SERPINA4: variants seen among roughly 807,000 people sequenced by gnomAD.
SERPINA4 encodes the protein kallistatin.
A neutral mutation model predicts 25.4 loss-of-function variants in SERPINA4; 24 were observed. The ratio of observed to expected loss-of-function variants is 0.95; its 90% CI spans 0.69 to 1.33. SERPINA4 has a LOEUF of 1.33. SERPINA4 is among the 40% of genes most tolerant of loss of function. The pLI is 0.00. For synonymous variants in SERPINA4, 242 were observed against 223.6 expected, an observed-to-expected ratio of 1.08 and a Z score of -0.73; for missense variants, 553 against 535.8, an observed-to-expected ratio of 1.03 and a Z score of -0.32.
chr14:94,566,392 T>C (rs1902211454), intron 2 of SERPINA4, among the ~76,000 whole-genome samples: 1 of 152,216 alleles, frequency 6.6e-6, no homozygotes. Context: ...GATTCGTCCT[T>C]CTCAAATGTC....
At chr14:94,561,894 T>C in intron 1 of SERPINA4, 1 of 1,287,326 alleles carries the variant, frequency 7.8e-7, no homozygotes, top group Non-Finnish European at 1.0e-6. Context: ...TCCCTCCAAC[T>C]GCTGAGTGGA....
chr14:94,568,990 A>G (rs1299049683), intron 4 of SERPINA4, among the ~76,000 whole-genome samples: 1 of 152,224 alleles, frequency 6.6e-6, no homozygotes, highest in Non-Finnish European at 1.5e-5. Context: ...ACTTCTGATA[A>G]GAAAAGTGCA....
chr14:94,569,309 T>C (rs948944041), intron 4 of SERPINA4, 86 bp from the exon 5 acceptor site: 1 of 1,231,856 alleles, frequency 8.1e-7, no homozygotes, highest in Non-Finnish European at 1.2e-6. Flanking sequence ...TGCAATATTA[T>C]TCCCTAGCAA....
chr14:94,563,966 G>A lies in SERPINA4; in HGVS notation c.484G>A (p.Val162Ile), dbSNP rs373176783. 20 of 1,614,036 alleles carry A rather than the reference G, an allele frequency of 1.2e-5. No individual in the cohort carries two copies. The highest frequency in any genetic ancestry group is 4.5e-5 in the East Asian group (2 of 44,896). The change falls in exon 2 of 5, where the codon GTC becomes ATC. Residue 162 changes from valine (V) to isoleucine (I), a missense_variant. Transcript: ENST00000557004. ...AAAATTCCTGAATGACACCATGGCCGTCTATGAGGCTAAACTCTTCCACAC... is the reference window on the plus strand; with the variant it reads ...AAAATTCCTGAATGACACCATGGCCATCTATGAGGCTAAACTCTTCCACAC... ...LAKFLNDTMA[V>I]YEAKLFHTNF...
At position 94,563,473 on chromosome 14, in the gene SERPINA4, A is replaced by T. The variant is rs1437102598; in HGVS notation, c.-10A>T. 6.2e-7 allele frequency: 1 copy of T among 1,603,892 alleles called. No individual in the cohort carries two copies. Among genetic ancestry groups the T allele is most frequent in the Non-Finnish European group, 8.5e-7 (1 of 1,173,066 alleles). On this transcript the variant is annotated 5_prime_UTR_variant, in exon 2 of 5. Transcript: ENST00000557004. ...TTCTCTTCCCTCCCATAGGCCTGAG[A>T]GTGCAGAGGATGCATCTTATCGACT...
chr14:94,563,822 G>A lies in SERPINA4; in HGVS notation c.340G>A (p.Glu114Lys). 6.2e-7 allele frequency: 1 copy of A among 1,614,172 alleles called. No individual in the cohort carries two copies. The highest frequency in any genetic ancestry group is 8.5e-7 in the Non-Finnish European group (1 of 1,180,044). Reference protein sequence around the residue: ...GLGFNLTELSESDVHRGFQHL... With the variant: ...GLGFNLTELSKSDVHRGFQHL... ...GGGCTTCAACCTCACCGAGCTGTCTGAGTCCGATGTCCATAGGGGCTTCCA... is the reference window on the plus strand; with the variant it reads ...GGGCTTCAACCTCACCGAGCTGTCTAAGTCCGATGTCCATAGGGGCTTCCA... Residue 114 changes from glutamate to lysine, a missense_variant, in exon 2 of 5, where the codon GAG (glutamate) becomes AAG (lysine). By Grantham distance (56) the Glu-to-Lys change is moderately conservative. Transcript: ENST00000557004.
In SERPINA4 at chr14:94,569,655, T is replaced by G. The variant is rs900618890; in HGVS notation, c.*60T>G. ...GGATGTGGCAGGGGAGGGCTGGGAG[T>G]GAGTAGCTCTGTGTTTAGAGTTGGG... On this transcript the variant is annotated 3_prime_UTR_variant, in exon 5 of 5. Transcript: ENST00000557004. The G allele has an allele frequency of 1.3e-6, 2 of 1,552,262 alleles. No homozygotes were observed. The highest frequency in any genetic ancestry group is 1.8e-6 in the Non-Finnish European group (2 of 1,127,272).
At chr14:94,561,556 C>G (rs1902025615) in intron 1 of SERPINA4, 62 bp downstream of exon 1, 1 of 862,530 alleles carries the variant, frequency 1.2e-6, no homozygotes, top group South Asian at 1.7e-5. Flanking sequence ...CCAACTGTTC[C>G]ACTTTGCCCA....
chr14:94,569,645 G>T lies in SERPINA4; in HGVS notation c.*50G>T. 1 of 1,590,670 alleles carries T rather than the reference G, an allele frequency of 6.3e-7. No homozygotes were observed. ...CCAAGCAGGAGGATGTGGCAGGGGA[G>T]GGCTGGGAGTGAGTAGCTCTGTGTT... is the stretch of plus-strand genomic sequence containing the variant. On this transcript the variant is annotated 3_prime_UTR_variant, in exon 5 of 5. Transcript: ENST00000557004.
At chr14:94,566,748 C>G (rs867056579) in intron 2 of SERPINA4, among the ~76,000 whole-genome samples, 3 of 152,362 alleles carry the variant, frequency 2.0e-5, no homozygotes, top group African/African-American at 7.2e-5. Context: ...AAACGAACAT[C>G]CTCTGCTATC....
Position 94,564,145 on chromosome 14 carries a change from C to G in SERPINA4, c.649+14C>G. On this transcript the variant is annotated intron_variant, in intron 2 of 4. Transcript: ENST00000557004. The stretch of plus-strand genomic sequence containing the variant: ...TTTACTTCAAAGGTGAGAGTCAGAT[C>G]ATTGGTATATGCTAAATCCACACCA... 2 of 1,598,278 alleles carry G rather than the reference C, an allele frequency of 1.3e-6. No individual in the cohort carries two copies. Among genetic ancestry groups the G allele is most frequent in the Non-Finnish European group, 1.7e-6 (2 of 1,178,658 alleles).
intron 2 of SERPINA4, among the ~76,000 whole-genome samples, chr14:94,564,978 A>G (rs1217489867): frequency 6.6e-6 from 1 of 152,214 alleles, no homozygotes. Context: ...TTGATTTTGC[A>G]GTGTGCAAAC....
chr14:94,569,503 C>A lies in SERPINA4; in HGVS notation c.1192C>A (p.Arg398=), dbSNP rs767258699. The stretch of plus-strand genomic sequence containing the variant: ...TGCCCAGACCAATCGCCACATCCTG[C>A]GATTCAACCGGCCCTTCCTTGTGGT... The part of the protein sequence containing the change: ...FSAQTNRHIL[R]FNRPFLVVIF... Residue 398 remains arginine (R), a synonymous_variant, in exon 5 of 5, where the codon CGA becomes AGA. Coordinates refer to ENST00000557004, the MANE Select transcript of SERPINA4 (RefSeq NM_006215.4). 1 of 1,614,104 alleles carries A rather than the reference C, an allele frequency of 6.2e-7. No homozygotes were observed. Among genetic ancestry groups the A allele is most frequent in the South Asian group, 1.1e-5 (1 of 91,084 alleles).
rs547679516 is a variant in SERPINA4 at position 94,569,419 on chromosome 14, G to C, written c.1108G>C (p.Val370Leu). Residue 370 changes from valine (V) to leucine (L), a missense_variant, in exon 5 of 5, where the codon GTG becomes CTG. Coordinates refer to ENST00000557004, the MANE Select transcript of SERPINA4 (RefSeq NM_006215.4). ...SKSFHKATLD[V>L]DEAGTEAAAA... is the part of the protein sequence containing the mutation. The stretch of plus-strand genomic sequence containing the variant: ...GAGTTTCCACAAGGCCACCTTGGAC[G>C]TGGATGAGGCTGGCACCGAGGCTGC... 6.2e-7 allele frequency: 1 copy of C among 1,614,042 alleles called. No homozygotes were observed. Among genetic ancestry groups the C allele is most frequent in the Admixed American group, 1.7e-5 (1 of 60,020 alleles).
intron 2 of SERPINA4, among the ~76,000 whole-genome samples, chr14:94,565,936 G>A (rs919812125): frequency 1.3e-5 from 2 of 152,096 alleles, no homozygotes; most frequent in Non-Finnish European, 2.9e-5. Context: ...CAGTAGTATG[G>A]GTTTCACTGT....
Position 94,566,978 on chromosome 14 carries a change from G to A in SERPINA4, c.658G>A (p.Glu220Lys), listed in dbSNP as rs1427801493. 1 of 1,613,168 alleles carries A rather than the reference G, an allele frequency of 6.2e-7. No individual in the cohort carries two copies. The highest frequency in any genetic ancestry group is 8.5e-7 in the Non-Finnish European group (1 of 1,179,416). ...TTTCATCTTCCCTTCAGCCCTGTGGGAGAAACCATTCATTTCCTCAAGGAC... is the reference window on the plus strand; with the variant it reads ...TTTCATCTTCCCTTCAGCCCTGTGGAAGAAACCATTCATTTCCTCAAGGAC... ...VNYIYFKALW[E>K]KPFISSRTTP... The change falls in exon 3 of 5, where the codon GAG becomes AAG. Residue 220 changes from glutamate to lysine, a missense_variant. By Grantham distance (56) the Glu-to-Lys change is moderately conservative (BLOSUM62 1). Transcript: ENST00000557004.
chr14:94,567,342 TTA>T, intron 3 of SERPINA4, 99 bp downstream of exon 3: 1 of 1,299,040 alleles, frequency 7.7e-7, no homozygotes, highest in Non-Finnish European at 1.1e-6. Flanking sequence ...GAACACCAAA[TTA>T]TGAGAGAATT....
chr14:94,563,340 C>A, intron 1 of SERPINA4, 126 bp from the exon 2 acceptor site: 3 of 959,600 alleles, frequency 3.1e-6, no homozygotes, highest in Non-Finnish European at 4.7e-6. Flanking sequence ...TTGCCTTTCA[C>A]AAGCCCATCT....
chr14:94,566,823 G>A (rs1902227151), intron 2 of SERPINA4, 147 bp from the exon 3 acceptor site: 1 of 904,654 alleles, frequency 1.1e-6, no homozygotes, highest in African/African-American at 1.7e-5. Context: ...GTTTTGAATG[G>A]TCAAAATGGG....
Sources: allele counts gnomAD v4.1 joint callset (sites outside exome capture counted in the v4.1 genomes callset), GRCh38; gene constraint gnomAD v4.1.1; transcripts MANE v1.5; gene names NCBI Gene and HGNC (gene_info 2026-07-23, HGNC 2026-07-21).